Variants in POLR3B observed in about 807,000 individuals in gnomAD.
POLR3B encodes RNA polymerase III subunit B, also known as DNA-directed RNA polymerase III subunit RPC2.
A neutral mutation model predicts 147.4 loss-of-function variants in POLR3B; 96 were observed. The ratio of observed to expected loss-of-function variants is 0.65; its 90% CI spans 0.55 to 0.77. The LOEUF (loss-of-function observed/expected upper bound fraction) is 0.77, where lower values mean the gene tolerates loss of function less well. Ranked by LOEUF, POLR3B falls within the 30% of genes least tolerant of loss-of-function variation. POLR3B has a pLI of 0.00. For missense variants in POLR3B, 1,036 were observed against 1,413.5 expected, an observed-to-expected ratio of 0.73 and a Z score of 4.28; for synonymous variants, 461 against 485.9, an observed-to-expected ratio of 0.95 and a Z score of 0.67.
rs1170096369 is a variant in POLR3B, at chr12:106,496,850, G to C, written c.2916G>C (p.Val972=). 3.7e-6 allele frequency: 6 copies of C among 1,614,030 alleles called. No individual in the cohort carries two copies. In the African/African-American group the frequency reaches 8.0e-5, roughly 22 times the overall value. ...TTGGAGGCAGTAAAGTGAAGGATGTGTGTGAGGACCTCGTTCGCCATGGTT... is the reference window on the plus strand; with the variant it reads ...TTGGAGGCAGTAAAGTGAAGGATGTCTGTGAGGACCTCGTTCGCCATGGTT... The part of the protein sequence containing the change: ...TAFGGSKVKD[V]CEDLVRHGYN... The change falls in exon 25 of 28, where the codon GTG becomes GTC. Residue 972 remains valine, a synonymous_variant. Transcript: ENST00000228347.
At chr12:106,429,652 C>A (rs2137001353) in intron 13 of POLR3B, among the ~76,000 whole-genome samples, 1 of 152,044 alleles carries the variant, frequency 6.6e-6, no homozygotes, top group South Asian at 2.1e-4. Context: ...TCATATGAAT[C>A]TATTTTAATA....
chr12:106,489,804 C>A lies in POLR3B; in HGVS notation c.2714-6251C>A, dbSNP rs1256708028. ...TGTAGTACTTGAGACTGTCTAAAAT[C>A]CTCTCTGCAAGTCCACAGCTTTAAA... On this transcript the variant is annotated intron_variant, in intron 23 of 27. Transcript: ENST00000228347. Among the ~76,000 whole-genome samples the A allele has an allele frequency of 2.0e-5, 3 of 152,140 alleles. No individual in the cohort carries two copies. In the East Asian group the frequency reaches 5.8e-4, roughly 29 times the overall value.
intron 13 of POLR3B, 48 bp downstream of exon 13, chr12:106,427,406 C>A: frequency 6.7e-7 from 1 of 1,502,034 alleles, no homozygotes. Context: ...ATTTGTAAAC[C>A]TATTCAATAG....
At chr12:106,499,591 G>A (rs1171504064) in intron 25 of POLR3B, among the ~76,000 whole-genome samples, 3 of 152,166 alleles carry the variant, frequency 2.0e-5, no homozygotes, top group Admixed American at 6.5e-5. Context: ...TTGGGTAACC[G>A]AGTGTCATAA....
At chr12:106,367,915 T>C (rs1411489748) in intron 4 of POLR3B, among the ~76,000 whole-genome samples, 2 of 152,226 alleles carry the variant, frequency 1.3e-5, no homozygotes, top group African/African-American at 2.4e-5. Context: ...TATCTAATGG[T>C]GAACCTTTAT....
chr12:106,394,595 A>G (rs1593015878), intron 10 of POLR3B, among the ~76,000 whole-genome samples: 1 of 152,212 alleles, frequency 6.6e-6, no homozygotes, highest in Non-Finnish European at 1.5e-5. Context: ...TATTTCAAAC[A>G]TCATCATTGG....
rs71876163 is a variant in POLR3B, at chr12:106,426,232, G to GTGTA, written c.1102-962_1102-961insATGT. Among the ~76,000 whole-genome samples the GTGTA allele has an allele frequency of 6.0e-5, 9 of 149,164 alleles. No homozygotes were observed. In the East Asian group the frequency reaches 1.8e-3, roughly 30 times the overall value. ...GGCAGGGCCTGCAATTTGTGTGTGT[G>GTGTA]TGTGTGTGTGTGTGTGTGTGTGTGT... On this transcript the variant is annotated intron_variant, in intron 12 of 27. Coordinates refer to ENST00000228347, the MANE Select transcript of POLR3B (RefSeq NM_018082.6).
At chr12:106,491,811 A>G (rs971689992) in intron 23 of POLR3B, among the ~76,000 whole-genome samples, 2 of 152,178 alleles carry the variant, frequency 1.3e-5, no homozygotes, top group Non-Finnish European at 2.9e-5. Context: ...TTCCCCAGCA[A>G]TTGAGGGAAA....
chr12:106,368,934 C>T (rs746677743), intron 4 of POLR3B, among the ~76,000 whole-genome samples: 38 of 151,626 alleles, frequency 2.5e-4, no homozygotes, highest in Non-Finnish European at 3.5e-4. Context: ...TTGTTTTTGC[C>T]TTTATGGCCT....
chr12:106,473,871 G>A (rs1338838159), intron 23 of POLR3B, among the ~76,000 whole-genome samples: 125 of 150,856 alleles, frequency 8.3e-4, no homozygotes, highest in African/African-American at 2.8e-3. Context: ...TCTCCTGCGT[G>A]ATTGCCCTGG....
chr12:106,373,939 A>C (rs764506690), intron 6 of POLR3B, among the ~76,000 whole-genome samples: 7 of 152,058 alleles, frequency 4.6e-5, no homozygotes. Context: ...AAAACTGTCT[A>C]GCTTTTCATG....
At chr12:106,477,479 C>A (rs4479082) in intron 23 of POLR3B, among the ~76,000 whole-genome samples, 133,021 of 140,442 alleles carry the variant, frequency 0.95, 63,019 homozygotes, top group East Asian at 0.99. Context: ...GCCGCCTTGC[C>A]GTTTGATCTC....
chr12:106,380,189 T>G (rs1184240995), intron 9 of POLR3B, 50 bp downstream of exon 9: 8 of 1,016,354 alleles, frequency 7.9e-6, no homozygotes, highest in Non-Finnish European at 1.2e-5. Context: ...TTCTCTGGTT[T>G]ATTTACATAT....
intron 19 of POLR3B, among the ~76,000 whole-genome samples, chr12:106,449,638 T>G (rs2037771958): frequency 6.6e-6 from 1 of 152,154 alleles, no homozygotes; most frequent in Non-Finnish European, 1.5e-5. Flanking sequence ...TTATTGTTCT[T>G]TAAGTGGAAA....
intron 25 of POLR3B, chr12:106,500,159 A>C (rs965288172): frequency 1.3e-5 from 6 of 455,924 alleles, no homozygotes; most frequent in Non-Finnish European, 2.6e-5. Context: ...TGGATTAAGT[A>C]GCACATGGTA....
intron 23 of POLR3B, among the ~76,000 whole-genome samples, chr12:106,482,890 A>G (rs78968572): frequency 0.011 from 1,660 of 152,062 alleles, 24 homozygotes; most frequent in African/African-American, 0.038. Context: ...CAAACTCACT[A>G]CTCCCAGAAT....
chr12:106,477,753 G>C (rs1049953379), intron 23 of POLR3B, among the ~76,000 whole-genome samples: 7 of 151,990 alleles, frequency 4.6e-5, no homozygotes, highest in Admixed American at 4.6e-4. Flanking sequence ...ACTGGCCTGC[G>C]CCCACTGTCT....
intron 20 of POLR3B, 88 bp from the exon 21 acceptor site, chr12:106,457,050 G>A: frequency 1.8e-6 from 2 of 1,088,438 alleles, no homozygotes; most frequent in South Asian, 1.3e-5. Flanking sequence ...AGGGTGAGGT[G>A]GAGTGGATTG....
intron 4 of POLR3B, among the ~76,000 whole-genome samples, 198 bp from the exon 5 acceptor site, chr12:106,369,077 T>C (rs2036569123): frequency 6.6e-6 from 1 of 152,204 alleles, no homozygotes; most frequent in African/African-American, 2.4e-5. Context: ...AAAAGATACT[T>C]TGATAATATT....
Sources: allele counts gnomAD v4.1 joint callset (sites outside exome capture counted in the v4.1 genomes callset), GRCh38; gene constraint gnomAD v4.1.1; transcripts MANE v1.5; gene names NCBI Gene and HGNC (gene_info 2026-07-23, HGNC 2026-07-21).